Variants in RERE observed in about 807,000 individuals in gnomAD.
RERE encodes the protein arginine-glutamic acid dipeptide repeats protein.
RERE carries 40 observed loss-of-function variants against 146.1 expected under a neutral mutation model. That is an observed-to-expected ratio of 0.27 (90% CI 0.21 to 0.36). The LOEUF is 0.36. Ranked by LOEUF, RERE falls within the 10% of genes least tolerant of loss-of-function variation. RERE has a pLI of 1.00. For missense variants in RERE, 1,933 were observed against 2,138.7 expected (o/e 0.90, Z 1.90); for synonymous variants, 1,003 against 866.0 (o/e 1.16, Z -2.78).
chr1:8,667,212 G>T (rs1455868320), intron 1 of RERE, among the ~76,000 whole-genome samples: 1 of 152,134 alleles, frequency 6.6e-6, no homozygotes, highest in Non-Finnish European at 1.5e-5. Context: ...CCACTGCAGA[G>T]GGTGCAAAAG....
At chr1:8,714,256 T>C (rs1266443262) in intron 1 of RERE, among the ~76,000 whole-genome samples, 1 of 152,202 alleles carries the variant, frequency 6.6e-6, no homozygotes, top group Non-Finnish European at 1.5e-5. Flanking sequence ...TCTTTTCCCT[T>C]ATGGTTCAGA....
At chr1:8,437,048 T>G (rs1219741572) in intron 11 of RERE, among the ~76,000 whole-genome samples, 1 of 152,218 alleles carries the variant, frequency 6.6e-6, no homozygotes. Context: ...AACGATATCA[T>G]AAATTCCTAA....
At chr1:8,692,982 A>AT (rs1163917670) in intron 1 of RERE, among the ~76,000 whole-genome samples, 1 of 152,198 alleles carries the variant, frequency 6.6e-6, no homozygotes, top group Non-Finnish European at 1.5e-5. Context: ...TCCATGACAA[A>AT]TAGTAGAGAA....
intron 1 of RERE, among the ~76,000 whole-genome samples, chr1:8,659,585 G>C (rs1458098092): frequency 6.6e-6 from 1 of 152,190 alleles, no homozygotes; most frequent in African/African-American, 2.4e-5. Context: ...AAAACGATCA[G>C]CTAACACCAT....
At chr1:8,795,169 G>A (rs1398963993) in intron 1 of RERE, among the ~76,000 whole-genome samples, 1 of 152,022 alleles carries the variant, frequency 6.6e-6, no homozygotes, top group East Asian at 1.9e-4. Flanking sequence ...GGGATTACAG[G>A]TGCCTGCCAC....
intron 1 of RERE, among the ~76,000 whole-genome samples, chr1:8,801,205 G>A (rs546627495): frequency 1.1e-4 from 16 of 149,846 alleles, no homozygotes; most frequent in Admixed American, 2.6e-4. Context: ...GGCTGCAGTC[G>A]GCCCTGATCG....
intron 4 of RERE, 67 bp from the exon 5 acceptor site, chr1:8,557,590 A>C: frequency 1.0e-6 from 1 of 999,812 alleles, no homozygotes; most frequent in Non-Finnish European, 1.6e-6. Flanking sequence ...TATCATACCC[A>C]TGACCAAAAG....
chr1:8,450,287 C>T (rs1557638223), intron 11 of RERE, among the ~76,000 whole-genome samples: 1 of 152,022 alleles, frequency 6.6e-6, no homozygotes, highest in South Asian at 2.1e-4. Context: ...CATGTTAATG[C>T]ACTTCGGCTC....
At chr1:8,657,866 TCTGC>T (rs1208745690) in intron 1 of RERE, among the ~76,000 whole-genome samples, 2 of 152,172 alleles carry the variant, frequency 1.3e-5, no homozygotes, top group African/African-American at 4.8e-5. Context: ...ATGTATTGTC[TCTGC>T]CTTAACAAAA....
At chr1:8,781,332 T>C (rs1260719665) in intron 1 of RERE, among the ~76,000 whole-genome samples, 1 of 148,714 alleles carries the variant, frequency 6.7e-6, no homozygotes, top group African/African-American at 2.5e-5. Context: ...CTCCAGAGCC[T>C]GGTGACAGAG....
intron 1 of RERE, among the ~76,000 whole-genome samples, chr1:8,705,892 A>G (rs557640980): frequency 1.3e-5 from 2 of 152,250 alleles, no homozygotes; most frequent in East Asian, 3.9e-4. Flanking sequence ...CGAGGTGGGC[A>G]GATCATGAGG....
intron 4 of RERE, among the ~76,000 whole-genome samples, chr1:8,612,645 C>T (rs182913502): frequency 6.6e-6 from 1 of 152,204 alleles, no homozygotes; most frequent in Admixed American, 6.5e-5. Flanking sequence ...TTCAGCAATT[C>T]CTGTTGAGTA....
At chr1:8,438,282 G>GC (rs1259075205) in intron 11 of RERE, among the ~76,000 whole-genome samples, 3 of 152,036 alleles carry the variant, frequency 2.0e-5, no homozygotes. Context: ...GAGCCACTGT[G>GC]CCCAGCCAGA....
At chr1:8,431,443 G>A (rs1344491166) in intron 11 of RERE, among the ~76,000 whole-genome samples, 4 of 152,058 alleles carry the variant, frequency 2.6e-5, no homozygotes, top group Non-Finnish European at 2.9e-5. Flanking sequence ...ACAAGCTCAG[G>A]GCTCCTACTG....
intron 4 of RERE, among the ~76,000 whole-genome samples, chr1:8,599,763 A>C (rs924417372): frequency 2.0e-5 from 3 of 152,204 alleles, no homozygotes; most frequent in African/African-American, 7.2e-5. Flanking sequence ...TTTTCAGCAG[A>C]AGGAGACAGT....
At chr1:8,642,659 T>G (rs942537963) in intron 2 of RERE, among the ~76,000 whole-genome samples, 1 of 152,256 alleles carries the variant, frequency 6.6e-6, no homozygotes, top group African/African-American at 2.4e-5. Flanking sequence ...GTTTAATTTA[T>G]AAATGAGATT....
At chr1:8,451,636 T>C (rs1570262406) in intron 11 of RERE, among the ~76,000 whole-genome samples, 5 of 152,220 alleles carry the variant, frequency 3.3e-5, no homozygotes, top group Admixed American at 3.3e-4. Context: ...GTGCTAATAG[T>C]GTGAAGTGCT....
intron 1 of RERE, among the ~76,000 whole-genome samples, chr1:8,784,020 CACA>C (rs1323074123): frequency 6.6e-6 from 1 of 152,182 alleles, no homozygotes; most frequent in African/African-American, 2.4e-5. Flanking sequence ...TTCTGGCCTC[CACA>C]ACTGTGGCAC....
At chr1:8,767,231 A>G (rs181653256) in intron 1 of RERE, among the ~76,000 whole-genome samples, 25 of 152,340 alleles carry the variant, frequency 1.6e-4, no homozygotes, top group Non-Finnish European at 2.8e-4. Context: ...TGAGGTCATC[A>G]ATTCAGGAAA....
Sources: gnomAD v4.1 joint callset for allele counts (sites outside exome capture counted in the v4.1 genomes callset) on GRCh38, gnomAD v4.1.1 for gene constraint, MANE v1.5 for transcripts, NCBI Gene and HGNC (gene_info 2026-07-23, HGNC 2026-07-21) for gene names.